MYO1E: variants seen among roughly 807,000 people sequenced by gnomAD.
The protein encoded by MYO1E is myosin IE.
Under a neutral mutation model 151.1 loss-of-function variants are expected in MYO1E, and 68 were observed. The ratio of observed to expected loss-of-function variants is 0.45; its 90% CI spans 0.37 to 0.55. The LOEUF is 0.55. Ranked by LOEUF, MYO1E falls within the 20% of genes least tolerant of loss-of-function variation. The pLI is 0.00. For missense variants in MYO1E, 1,363 were observed against 1,389.3 expected, an observed-to-expected ratio of 0.98 and a Z score of 0.30; for synonymous variants, 601 against 501.7, an observed-to-expected ratio of 1.20 and a Z score of -2.64.
chr15:59,240,243 A>G (rs2080091626), intron 4 of MYO1E, among the ~76,000 whole-genome samples: 1 of 152,260 alleles, frequency 6.6e-6, no homozygotes, highest in Admixed American at 6.5e-5. Context: ...GACAGAGTCT[A>G]GGAATAGGAA....
At chr15:59,351,421 G>A (rs1399371686) in intron 1 of MYO1E, among the ~76,000 whole-genome samples, 1 of 152,206 alleles carries the variant, frequency 6.6e-6, no homozygotes. Flanking sequence ...TGCCCTCACG[G>A]AATTTATTTG....
chr15:59,158,443 C>A (rs138384974), intron 24 of MYO1E, 64 bp from the exon 25 acceptor site: 5 of 1,312,814 alleles, frequency 3.8e-6, no homozygotes, highest in Non-Finnish European at 5.4e-6. Flanking sequence ...CCTCATGGTT[C>A]TTTGCATATG....
intron 3 of MYO1E, among the ~76,000 whole-genome samples, chr15:59,259,146 C>G (rs1023741139): frequency 3.9e-5 from 6 of 152,154 alleles, no homozygotes; most frequent in African/African-American, 9.6e-5. Context: ...CTGACCAAAA[C>G]TTTAGGCACT....
intron 3 of MYO1E, among the ~76,000 whole-genome samples, chr15:59,258,031 A>G (rs2080203915): frequency 6.6e-6 from 1 of 152,238 alleles, no homozygotes; most frequent in Non-Finnish European, 1.5e-5. Context: ...ATTTTTGGGC[A>G]GAAAAAGGAA....
chr15:59,339,853 GTTTTTTTTT>G (rs11300848), intron 1 of MYO1E, among the ~76,000 whole-genome samples: 1 of 133,584 alleles, frequency 7.5e-6, no homozygotes, highest in South Asian at 2.3e-4. Context: ...ACTTTTTTTT[GTTTTTTTTT>G]TTTTTGACAG....
chr15:59,312,489 C>G (rs1166467925), intron 1 of MYO1E, among the ~76,000 whole-genome samples: 2 of 152,148 alleles, frequency 1.3e-5, no homozygotes, highest in Non-Finnish European at 2.9e-5. Context: ...TGTGAAAAAC[C>G]TTGCGTTTAG....
chr15:59,174,204 C>G lies in MYO1E; in HGVS notation c.2086G>C (p.Asp696His). 1.9e-6 allele frequency: 3 copies of G among 1,614,072 alleles called. No homozygotes were observed. The highest frequency in any genetic ancestry group is 2.5e-6 in the Non-Finnish European group (3 of 1,179,966). ...LLEEMRERKY[D>H]GYARVIQKSW... is the part of the protein sequence containing the mutation. ...TTCTGTATCACTCGAGCATACCCAT[C>G]ATACTTTCTCTCTCTCATCTCTTCT... Residue 696 changes from aspartate to histidine, a missense_variant, in exon 20 of 28, where the codon GAT (aspartate) becomes CAT (histidine). Coordinates refer to ENST00000288235, the MANE Select transcript of MYO1E (RefSeq NM_004998.4).
chr15:59,237,759 T>A (rs1225025162), intron 4 of MYO1E, among the ~76,000 whole-genome samples: 1 of 152,244 alleles, frequency 6.6e-6, no homozygotes, highest in East Asian at 1.9e-4. Context: ...AACATTTGCT[T>A]GGGGAACAAC....
At chr15:59,186,550 G>T (rs1414562215) in intron 18 of MYO1E, among the ~76,000 whole-genome samples, 1 of 152,164 alleles carries the variant, frequency 6.6e-6, no homozygotes, top group Non-Finnish European at 1.5e-5. Flanking sequence ...AGGATCACTT[G>T]AGAGTAGCTG....
intron 2 of MYO1E, among the ~76,000 whole-genome samples, chr15:59,262,520 G>C (rs1260206834): frequency 6.6e-6 from 1 of 151,852 alleles, no homozygotes; most frequent in Non-Finnish European, 1.5e-5. Context: ...CCCAGCTACT[G>C]GGCAGGCTGA....
At chr15:59,348,504 T>C (rs1228707783) in intron 1 of MYO1E, 1 of 152,246 alleles carries the variant, frequency 6.6e-6, no homozygotes, top group Non-Finnish European at 1.5e-5. Context: ...TACAGTTGTG[T>C]CTGAATCCTT....
chr15:59,277,564 A>AAAAAAAAAAAC (rs1555416379), intron 1 of MYO1E, among the ~76,000 whole-genome samples: 99 of 139,824 alleles, frequency 7.1e-4, no homozygotes, highest in Middle Eastern at 3.4e-3. Context: ...AAAAAAAAAA[A>AAAAAAAAAAAC]AAAAAAAAAC....
chr15:59,214,375 G>T (rs2079900405), intron 11 of MYO1E, 61 bp from the exon 12 acceptor site: 6 of 1,279,092 alleles, frequency 4.7e-6, no homozygotes, highest in Non-Finnish European at 5.7e-6. Context: ...AGTCATTTCT[G>T]GAGTGATTTA....
chr15:59,183,348 G>GTTTTTTTTTT, intron 18 of MYO1E, among the ~76,000 whole-genome samples: 1 of 146,406 alleles, frequency 6.8e-6, no homozygotes. Flanking sequence ...GTTTGATCAG[G>GTTTTTTTTTT]TTTTTTTTTT....
intron 4 of MYO1E, among the ~76,000 whole-genome samples, chr15:59,249,553 C>T (rs1221022488): frequency 6.6e-6 from 1 of 152,140 alleles, no homozygotes. Context: ...CTAGAAACGC[C>T]GCCTTTATGG....
chr15:59,138,439 A>G, intron 26 of MYO1E, 72 bp from the exon 27 acceptor site: 1 of 1,555,366 alleles, frequency 6.4e-7, no homozygotes, highest in Non-Finnish European at 8.8e-7. Flanking sequence ...GGTTTGGAGC[A>G]TGGCGGCCGG....
At position 59,214,719 on chromosome 15, in the gene MYO1E, G is replaced by C. The variant is rs375942900; in HGVS notation, c.1109C>G (p.Ser370Cys). 8.7e-6 allele frequency: 14 copies of C among 1,611,416 alleles called. No homozygotes were observed. The highest frequency in any genetic ancestry group is 4.0e-5 in the African/African-American group (3 of 74,792). ...HARVFDFLVDSINKAMEKDHE... is the reference protein window; with the variant it reads ...HARVFDFLVDCINKAMEKDHE... The stretch of plus-strand genomic sequence containing the variant: ...GTCTTTCTCCATGGCTTTATTGATG[G>C]ACTAGAGAAAGTAAACAGCATGGCA... The change falls in exon 11 of 28, where the codon TCC becomes TGC. Residue 370 changes from serine (S) to cysteine (C), a missense_variant and splice_region_variant. By Grantham distance (112) the Ser-to-Cys change is moderately radical. Coordinates refer to ENST00000288235, the MANE Select transcript of MYO1E (RefSeq NM_004998.4).
chr15:59,194,521 T>C (rs558714247), intron 17 of MYO1E, among the ~76,000 whole-genome samples: 12 of 152,290 alleles, frequency 7.9e-5, no homozygotes, highest in African/African-American at 2.9e-4. Flanking sequence ...TGTCTTCCTG[T>C]GGAAGCTAAA....
chr15:59,226,058 G>A (rs1235010081), intron 7 of MYO1E, among the ~76,000 whole-genome samples: 1 of 152,138 alleles, frequency 6.6e-6, no homozygotes, highest in East Asian at 1.9e-4. Flanking sequence ...GTTGGGGCTT[G>A]CATTTATTTA....
Sources: gnomAD v4.1 joint callset for allele counts (sites outside exome capture counted in the v4.1 genomes callset) on GRCh38, gnomAD v4.1.1 for gene constraint, MANE v1.5 for transcripts, NCBI Gene and HGNC (gene_info 2026-07-23, HGNC 2026-07-21) for gene names.